The following CERS3 variants were observed in gnomAD, a reference collection of about 807,000 sequenced individuals.
CERS3 encodes ceramide synthase 3.
Under a neutral mutation model 50.3 loss-of-function variants are expected in CERS3, and 33 were observed. That is an observed-to-expected ratio of 0.66 (90% CI 0.50 to 0.88). The LOEUF is 0.88. Ranked by LOEUF, CERS3 falls within the 40% of genes least tolerant of loss-of-function variation. The pLI is 0.00. For synonymous variants in CERS3, 176 were observed against 155.2 expected, an observed-to-expected ratio of 1.13 and a Z score of -0.99; for missense variants, 470 against 460.3, an observed-to-expected ratio of 1.02 and a Z score of -0.19.
chr15:100,421,473 A>G (rs910908745), intron 11 of CERS3, among the ~76,000 whole-genome samples: 1 of 152,120 alleles, frequency 6.6e-6, no homozygotes, highest in African/African-American at 2.4e-5. Flanking sequence ...GCTCATGGGT[A>G]GGAAGAAACA....
chr15:100,480,190 T>C (rs2035256236), intron 5 of CERS3, 144 bp from the exon 6 acceptor site: 1 of 649,234 alleles, frequency 1.5e-6, no homozygotes, highest in Non-Finnish European at 2.7e-6. Context: ...CTGCCCCACT[T>C]ATTAGATGGT....
intron 11 of CERS3, among the ~76,000 whole-genome samples, chr15:100,432,258 C>T (rs2033174995): frequency 6.6e-6 from 1 of 152,130 alleles, no homozygotes; most frequent in Non-Finnish European, 1.5e-5. Context: ...AACAACAGGT[C>T]ATCAAAAATA....
intron 11 of CERS3, among the ~76,000 whole-genome samples, chr15:100,435,000 TG>T (rs2033331660): frequency 6.6e-6 from 1 of 152,206 alleles, no homozygotes; most frequent in African/African-American, 2.4e-5. Flanking sequence ...ACATGGTCTG[TG>T]GTTCTGAGGA....
intron 2 of CERS3, chr15:100,503,928 G>A (rs749332788): frequency 2.2e-5 from 8 of 362,894 alleles, no homozygotes; most frequent in Non-Finnish European, 4.4e-5. Flanking sequence ...AAAACTCAAG[G>A]GAGTGAAGGT....
chr15:100,502,177 G>A (rs141115215), intron 2 of CERS3, among the ~76,000 whole-genome samples: 8 of 149,650 alleles, frequency 5.3e-5, no homozygotes, highest in Non-Finnish European at 7.4e-5. Context: ...CCCAGGAGGC[G>A]GAGTTTGCAG....
chr15:100,511,275 C>G (rs562785040), intron 2 of CERS3, among the ~76,000 whole-genome samples: 1 of 151,792 alleles, frequency 6.6e-6, no homozygotes, highest in East Asian at 2.0e-4. Flanking sequence ...CGTGACAGAG[C>G]AAGACTCCAT....
intron 3 of CERS3, among the ~76,000 whole-genome samples, chr15:100,495,695 T>G (rs938845001): frequency 6.6e-6 from 1 of 152,222 alleles, no homozygotes; most frequent in Non-Finnish European, 1.5e-5. Context: ...TTATCAGATA[T>G]ATGTTTTACA....
rs376484658 is a variant in CERS3 at position 100,502,176 on chromosome 15, C to T, written c.-1-326G>A. 7.9e-5 allele frequency among the ~76,000 whole-genome samples: 11 copies of T among 139,222 alleles called. No individual in the cohort carries two copies. The East Asian group carries it at 1.4e-3, about 18-fold the overall frequency. The allele number at this position is 139,222 out of a possible 152,430, so 91.3% of individuals were successfully genotyped here. ...AGGAGAATAGCTTGATCCCAGGAGG[C>T]GGAGTTTGCAGTGAGCCAAGATCAC... On this transcript the variant is annotated intron_variant, in intron 2 of 11. Transcript: ENST00000679737.
Position 100,402,705 on chromosome 15 carries a change from G to T in CERS3, c.*8C>A. ...ATGCTGTGCCATGGGAGTCCTGTAG[G>T]CTTCCAGCTAATGGCCATGCTGGCC... is the stretch of plus-strand genomic sequence containing the variant. On this transcript the variant is annotated 3_prime_UTR_variant, in exon 12 of 12. Transcript: ENST00000679737. 6.2e-7 allele frequency: 1 copy of T among 1,613,398 alleles called. No individual in the cohort carries two copies.
At chr15:100,417,282 G>A (rs2032000729) in intron 11 of CERS3, among the ~76,000 whole-genome samples, 1 of 151,838 alleles carries the variant, frequency 6.6e-6, no homozygotes, top group African/African-American at 2.4e-5. Flanking sequence ...AGAGCAAGGG[G>A]TCGGGGAGTT....
At chr15:100,424,183 T>G (rs2032660309) in intron 11 of CERS3, among the ~76,000 whole-genome samples, 1 of 152,112 alleles carries the variant, frequency 6.6e-6, no homozygotes, top group Non-Finnish European at 1.5e-5. Context: ...TCAGGTGATT[T>G]GTCTGCCTTG....
intron 11 of CERS3, among the ~76,000 whole-genome samples, chr15:100,413,018 T>G (rs2031607232): frequency 6.6e-6 from 1 of 150,806 alleles, no homozygotes; most frequent in South Asian, 2.1e-4. Context: ...AATGCATAGA[T>G]TTTTTTCATA....
chr15:100,439,544 T>C (rs879857608), intron 11 of CERS3, among the ~76,000 whole-genome samples: 1 of 152,246 alleles, frequency 6.6e-6, no homozygotes, highest in African/African-American at 2.4e-5. Flanking sequence ...TTGTAAAGTA[T>C]CCAAGAATCT....
chr15:100,512,313 G>T (rs1365563719), intron 2 of CERS3, among the ~76,000 whole-genome samples: 1 of 152,206 alleles, frequency 6.6e-6, no homozygotes, highest in Non-Finnish European at 1.5e-5. Flanking sequence ...TAGCAACATG[G>T]TGGGAGGAAA....
chr15:100,456,431 C>T (rs2034374448), intron 10 of CERS3, among the ~76,000 whole-genome samples: 1 of 152,164 alleles, frequency 6.6e-6, no homozygotes. Flanking sequence ...TTATTATTGC[C>T]TTAAAACACA....
At chr15:100,520,994 AC>A (rs2036623004) in intron 2 of CERS3, among the ~76,000 whole-genome samples, 1 of 152,182 alleles carries the variant, frequency 6.6e-6, no homozygotes, top group African/African-American at 2.4e-5. Context: ...ACAATGTTGC[AC>A]CCACACTCAT....
chr15:100,444,343 C>A (rs1025192595), intron 11 of CERS3, among the ~76,000 whole-genome samples: 3 of 144,338 alleles, frequency 2.1e-5, no homozygotes, highest in East Asian at 2.1e-4. Flanking sequence ...TGTTCCTGGC[C>A]CGGACTTCAA....
At chr15:100,408,321 A>G (rs1392114026) in intron 11 of CERS3, among the ~76,000 whole-genome samples, 1 of 152,180 alleles carries the variant, frequency 6.6e-6, no homozygotes, top group African/African-American at 2.4e-5. Flanking sequence ...CAGCAATGCT[A>G]CTGATGACAT....
chr15:100,471,057 C>T (rs1300004792), intron 9 of CERS3, among the ~76,000 whole-genome samples: 1 of 152,182 alleles, frequency 6.6e-6, no homozygotes, highest in Non-Finnish European at 1.5e-5. Flanking sequence ...GCCCCTGCCA[C>T]CACTTAATAT....
Sources: gnomAD v4.1 joint callset for allele counts (sites outside exome capture counted in the v4.1 genomes callset) on GRCh38, gnomAD v4.1.1 for gene constraint, MANE v1.5 for transcripts, NCBI Gene and HGNC (gene_info 2026-07-23, HGNC 2026-07-21) for gene names.